HIPK2: variants seen among roughly 807,000 people sequenced by gnomAD.
The protein encoded by HIPK2 is homeodomain-interacting protein kinase 2.
In HIPK2, 27 loss-of-function variants were observed where a neutral mutation model predicts 113.7. The ratio of observed to expected loss-of-function variants is 0.24; its 90% confidence interval spans 0.17 to 0.33. The LOEUF (loss-of-function observed/expected upper bound fraction) is 0.33, where lower values mean the gene tolerates loss of function less well. Among genes scored for constraint, HIPK2 ranks in the 10% least tolerant of loss-of-function variants. The pLI is 1.00. For synonymous variants in HIPK2, 631 were observed against 642.2 expected (o/e 0.98, Z 0.26); for missense variants, 1,257 against 1,588.0 (o/e 0.79, Z 3.54).
rs149519031 is a variant in HIPK2, at chr7:139,601,802, T to G, written c.2256-1206A>C. On this transcript the variant is annotated intron_variant, in intron 10 of 14. Transcript: ENST00000406875. ...AATTCAAAGCTAAAGGATAATTCAT[T>G]TGAATTTTAGAAAATTATAAGAACC... Among the ~76,000 whole-genome samples, 742 of 152,278 alleles carry G rather than the reference T, an allele frequency of 4.9e-3. 4 individuals are homozygous for G. Among genetic ancestry groups the G allele is most frequent in the African/African-American group, 0.017 (689 of 41,540 alleles).
intron 12 of HIPK2, among the ~76,000 whole-genome samples, chr7:139,584,444 G>A (rs1798772380): frequency 1.3e-5 from 2 of 152,206 alleles, no homozygotes; most frequent in African/African-American, 4.8e-5. Flanking sequence ...ATCTGAGCAA[G>A]GAGAGAACCA....
intron 6 of HIPK2, among the ~76,000 whole-genome samples, chr7:139,621,237 T>C (rs1229697065): frequency 6.6e-6 from 1 of 152,230 alleles, no homozygotes; most frequent in Non-Finnish European, 1.5e-5. Context: ...GACATGATTC[T>C]CGTCCCTACT....
At chr7:139,727,737 A>G (rs1276615284) in intron 1 of HIPK2, among the ~76,000 whole-genome samples, 1 of 152,176 alleles carries the variant, frequency 6.6e-6, no homozygotes, top group African/African-American at 2.4e-5. Flanking sequence ...CAGACAACCC[A>G]TAATTGTTTA....
intron 2 of HIPK2, among the ~76,000 whole-genome samples, chr7:139,682,059 G>A (rs1802720142): frequency 6.6e-6 from 1 of 152,196 alleles, no homozygotes; most frequent in African/African-American, 2.4e-5. Flanking sequence ...CCATGTAGAG[G>A]ACTCATGGTG....
intron 1 of HIPK2, among the ~76,000 whole-genome samples, chr7:139,756,614 G>A (rs1796367426): frequency 6.6e-6 from 1 of 152,118 alleles, no homozygotes; most frequent in African/African-American, 2.4e-5. Flanking sequence ...TAGTAGAGAT[G>A]GGGTTTCACC....
At chr7:139,641,532 C>G (rs980414270) in intron 2 of HIPK2, among the ~76,000 whole-genome samples, 1 of 152,182 alleles carries the variant, frequency 6.6e-6, no homozygotes, top group Admixed American at 6.5e-5. Context: ...GACAGCCATG[C>G]GCTTGGGCTG....
rs140501361 is a variant in HIPK2 at position 139,694,234 on chromosome 7, C to T, written c.1103+21698G>A. On this transcript the variant is annotated intron_variant, in intron 2 of 14. Transcript: ENST00000406875. ...AACGGATGAACTTTAATCCATCCTC[C>T]TGTAACTCTCACAGTCTGCCATGCT... Among the ~76,000 whole-genome samples, 337 of 152,274 alleles carry T rather than the reference C, an allele frequency of 2.2e-3. 4 individuals carry two copies. The East Asian group carries it at 0.036, about 16-fold the overall frequency.
chr7:139,613,796 T>C lies in HIPK2; in HGVS notation c.1991-473A>G, dbSNP rs1296257271. 6.6e-6 allele frequency among the ~76,000 whole-genome samples: 1 copy of C among 152,076 alleles called. No individual in the cohort carries two copies. The highest frequency in any genetic ancestry group is 2.4e-5 in the African/African-American group (1 of 41,378). On this transcript the variant is annotated intron_variant, in intron 8 of 14. Transcript: ENST00000406875. The surrounding 1 kb of genome is among the most constrained non-coding windows in gnomAD (Gnocchi z 4.2). The stretch of plus-strand genomic sequence containing the variant: ...AAGTACACAGTCTAGCTTCTTAGAG[T>C]CTACAGGAGAGGAGTGCTGGGGTCA...
chr7:139,739,422 A>C (rs1796034137), intron 1 of HIPK2, among the ~76,000 whole-genome samples: 1 of 152,052 alleles, frequency 6.6e-6, no homozygotes, highest in Admixed American at 6.6e-5. Flanking sequence ...CCTCATCTCT[A>C]CTAAAAATAC....
chr7:139,713,136 G>A (rs1569479110), intron 2 of HIPK2, among the ~76,000 whole-genome samples: 2 of 152,124 alleles, frequency 1.3e-5, no homozygotes, highest in African/African-American at 4.8e-5. Flanking sequence ...GGACACAGGG[G>A]CCAGATGTGA....
chr7:139,607,884 A>C (rs1799675277), intron 9 of HIPK2, among the ~76,000 whole-genome samples: 1 of 152,158 alleles, frequency 6.6e-6, no homozygotes, highest in Non-Finnish European at 1.5e-5. Flanking sequence ...CATAAAAAGC[A>C]GTCTAAGCAT....
At chr7:139,712,938 C>T (rs116657870) in intron 2 of HIPK2, among the ~76,000 whole-genome samples, 29 of 152,252 alleles carry the variant, frequency 1.9e-4, no homozygotes, top group African/African-American at 6.0e-4. Flanking sequence ...GCAGAAGAGC[C>T]GCTGTCTTTC....
At chr7:139,740,600 G>A (rs892550766) in intron 1 of HIPK2, among the ~76,000 whole-genome samples, 1 of 152,228 alleles carries the variant, frequency 6.6e-6, no homozygotes, top group Non-Finnish European at 1.5e-5. Context: ...AGGACCATGA[G>A]AAATCAGAGA....
At chr7:139,588,736 A>G (rs1798920002) in intron 12 of HIPK2, among the ~76,000 whole-genome samples, 2 of 152,246 alleles carry the variant, frequency 1.3e-5, no homozygotes, top group South Asian at 2.1e-4. Context: ...AGGGCAGAGA[A>G]ACCTGCAGCT....
At chr7:139,590,999 T>C (rs1799001240) in intron 12 of HIPK2, among the ~76,000 whole-genome samples, 4 of 152,246 alleles carry the variant, frequency 2.6e-5, no homozygotes, top group Admixed American at 2.6e-4. Context: ...CACGTACCAC[T>C]GTGCCTGGGG....
chr7:139,573,022 C>A lies in HIPK2; in HGVS notation c.3502G>T (p.Ala1168Ser), dbSNP rs1585223614. 1.2e-6 allele frequency: 2 copies of A among 1,611,168 alleles called. No individual in the cohort carries two copies. ...GAGGCGCTGATGTAGGTCTGGTGGG[C>A]AAATTGGGCTGGATACTGACTCGGG... ...IHPSQYPAQF[A>S]HQTYISASPA... is the part of the protein sequence containing the mutation. The change falls in exon 15 of 15, where the codon GCC becomes TCC. Residue 1168 changes from alanine to serine, a missense_variant. Around this residue, in one of 5 missense-constraint regions of HIPK2, gnomAD observed 862 missense variants for 1,004.3 expected, o/e 0.86. Transcript: ENST00000406875.
intron 6 of HIPK2, among the ~76,000 whole-genome samples, chr7:139,621,770 A>G (rs1029967724): frequency 6.6e-6 from 1 of 152,046 alleles, no homozygotes; most frequent in African/African-American, 2.4e-5. Context: ...AAAAAATATA[A>G]AAATTAGCTG....
intron 1 of HIPK2, among the ~76,000 whole-genome samples, chr7:139,729,015 A>G (rs1795679285): frequency 6.6e-6 from 1 of 152,160 alleles, no homozygotes; most frequent in South Asian, 2.1e-4. Flanking sequence ...GAGCAACTGT[A>G]GTCACTTTGG....
Position 139,580,075 on chromosome 7 carries a change from A to T in HIPK2, c.2965+3742T>A, listed in dbSNP as rs182129498. Among the ~76,000 whole-genome samples, 8 of 152,268 alleles carry T rather than the reference A, an allele frequency of 5.3e-5. No individual in the cohort carries two copies. In the East Asian group the frequency reaches 1.5e-3, roughly 29 times the overall value. ...AGAAAAGAAAAATAGAAAGCTGCAAACATTGGCTCTGCAGAGCCTGCTTCT... is the reference window on the plus strand; with the variant it reads ...AGAAAAGAAAAATAGAAAGCTGCAATCATTGGCTCTGCAGAGCCTGCTTCT... On this transcript the variant is annotated intron_variant, in intron 13 of 14. Transcript: ENST00000406875.
Sources: gnomAD v4.1 joint callset for allele counts (sites outside exome capture counted in the v4.1 genomes callset) on GRCh38, gnomAD v4.1.1 for gene constraint, gnomAD v4.1.1 regional missense constraint, Gnocchi (gnomAD v3.1) non-coding constraint, MANE v1.5 for transcripts, NCBI Gene and HGNC (gene_info 2026-07-23, HGNC 2026-07-21) for gene names.